Variants in ZFYVE28 observed in about 807,000 individuals in gnomAD.
ZFYVE28 encodes zinc finger FYVE-type containing 28.
Under a neutral mutation model 82.1 loss-of-function variants are expected in ZFYVE28, and 40 were observed. That is an observed-to-expected ratio of 0.49 (90% CI 0.38 to 0.63). The LOEUF (loss-of-function observed/expected upper bound fraction) is 0.63, where lower values mean the gene tolerates loss of function less well. Ranked by LOEUF, ZFYVE28 falls within the 30% of genes least tolerant of loss-of-function variation. The pLI is 0.00. For synonymous variants in ZFYVE28, 612 were observed against 546.1 expected (o/e 1.12, Z -1.68); for missense variants, 1,321 against 1,242.1 (o/e 1.06, Z -0.96).
intron 1 of ZFYVE28, among the ~76,000 whole-genome samples, chr4:2,406,040 T>A (rs1421139465): frequency 1.1e-5 from 1 of 87,656 alleles, no homozygotes; most frequent in African/African-American, 6.9e-5. Context: ...CAGAATGGAT[T>A]CTGTCTCAAA....
intron 2 of ZFYVE28, 74 bp downstream of exon 2, chr4:2,353,858 CT>C (rs1724837707): frequency 7.6e-7 from 1 of 1,321,104 alleles, no homozygotes. Flanking sequence ...GTGACAAAGC[CT>C]TGGTCTACTG....
chr4:2,413,559 G>A (rs947936241), intron 1 of ZFYVE28, among the ~76,000 whole-genome samples: 2 of 152,116 alleles, frequency 1.3e-5, no homozygotes, highest in African/African-American at 2.4e-5. Flanking sequence ...GAGCACCGCC[G>A]GGCTCAGCCT....
chr4:2,404,847 C>T (rs1280982746), intron 1 of ZFYVE28, among the ~76,000 whole-genome samples: 1 of 144,830 alleles, frequency 6.9e-6, no homozygotes, highest in African/African-American at 2.6e-5. Context: ...TTCACCCTCT[C>T]AGTCTCGCTC....
chr4:2,380,839 C>T (rs1350880315), intron 1 of ZFYVE28, among the ~76,000 whole-genome samples: 3 of 152,208 alleles, frequency 2.0e-5, no homozygotes, highest in Non-Finnish European at 4.4e-5. Context: ...CCTCCCCAGC[C>T]ATGTGGAACT....
At chr4:2,399,523 CT>C (rs1730944711) in intron 1 of ZFYVE28, among the ~76,000 whole-genome samples, 1 of 152,228 alleles carries the variant, frequency 6.6e-6, no homozygotes, top group Admixed American at 6.5e-5. Context: ...CCTCTGACAT[CT>C]GGTTTTCTGC....
chr4:2,293,752 C>CA (rs71644322), intron 8 of ZFYVE28, among the ~76,000 whole-genome samples: 44,195 of 83,092 alleles, frequency 0.53, 10,859 homozygotes, highest in Non-Finnish European at 0.61. Context: ...GACTCCATCT[C>CA]AAAAAAAAAA....
chr4:2,386,683 C>T (rs764343779), intron 1 of ZFYVE28, among the ~76,000 whole-genome samples: 1 of 152,214 alleles, frequency 6.6e-6, no homozygotes, highest in Non-Finnish European at 1.5e-5. Context: ...GACAAGGAGG[C>T]CCTCACCAGA....
At chr4:2,330,547 G>GGA in intron 6 of ZFYVE28, 1 of 1,172,230 alleles carries the variant, frequency 8.5e-7, no homozygotes, top group Non-Finnish European at 1.1e-6. Context: ...ACAGCATGGA[G>GGA]GAGGGGACAG....
At position 2,417,781 on chromosome 4, in the gene ZFYVE28, G is replaced by GAC. The variant is rs1306724790; in HGVS notation, c.39+503_39+504insGT. Among the ~76,000 whole-genome samples the GAC allele has an allele frequency of 6.6e-6, 1 of 152,090 alleles. No individual in the cohort carries two copies. The highest frequency in any genetic ancestry group is 1.5e-5 in the Non-Finnish European group (1 of 68,002). On this transcript the variant is annotated intron_variant, in intron 1 of 12. Coordinates refer to ENST00000290974, the MANE Select transcript of ZFYVE28 (RefSeq NM_020972.3). The surrounding 1 kb of genome is among the most constrained non-coding windows in gnomAD (Gnocchi z 4.8). ...GTGGGTTCTCTCAGAACCTGGGGAA[G>GAC]TGGGGAGAGGGTCTGTTCTGGAGTG...
At chr4:2,298,809 G>A (rs960423313) in intron 8 of ZFYVE28, among the ~76,000 whole-genome samples, 3 of 152,196 alleles carry the variant, frequency 2.0e-5, no homozygotes, top group African/African-American at 7.2e-5. Flanking sequence ...TGTCAGGACG[G>A]CCACAGCCTC....
chr4:2,319,053 C>G (rs1221667489), intron 7 of ZFYVE28: 1 of 152,736 alleles, frequency 6.5e-6, no homozygotes, highest in Non-Finnish European at 1.5e-5. Flanking sequence ...GCCGGTGCCC[C>G]CTTCCAGCCC....
At chr4:2,387,246 T>C (rs1729367164) in intron 1 of ZFYVE28, among the ~76,000 whole-genome samples, 1 of 152,202 alleles carries the variant, frequency 6.6e-6, no homozygotes, top group South Asian at 2.1e-4. Flanking sequence ...AGCCTAGGGC[T>C]GCGTGGCTCT....
Position 2,305,564 on chromosome 4 carries a change from G to A in ZFYVE28, c.804-28C>T, listed in dbSNP as rs762295226. 1.9e-6 allele frequency: 3 copies of A among 1,612,364 alleles called. No homozygotes were observed. The African/African-American group carries it at 4.0e-5, about 21-fold the overall frequency. On this transcript the variant is annotated intron_variant, in intron 7 of 12. Coordinates refer to ENST00000290974, the MANE Select transcript of ZFYVE28 (RefSeq NM_020972.3). ...ACGAATCAAGACAAAACCCAAGGGT[G>A]AGGGTCCCAAAAGCCACACCAGCCT... is the stretch of plus-strand genomic sequence containing the variant.
intron 7 of ZFYVE28, among the ~76,000 whole-genome samples, chr4:2,313,848 CAAA>C (rs397958081): frequency 2.5e-5 from 2 of 80,768 alleles, no homozygotes; most frequent in African/African-American, 4.2e-5. Context: ...GACTCTGTCT[CAAA>C]AAAAAAAAAA....
intron 8 of ZFYVE28, among the ~76,000 whole-genome samples, chr4:2,303,139 C>T (rs536340309): frequency 7.2e-5 from 11 of 152,226 alleles, no homozygotes; most frequent in Admixed American, 2.6e-4. Context: ...GCCCGCAGCA[C>T]AGGAAAGAGC....
intron 8 of ZFYVE28, among the ~76,000 whole-genome samples, chr4:2,277,978 G>A (rs898537446): frequency 6.6e-6 from 1 of 152,152 alleles, no homozygotes; most frequent in African/African-American, 2.4e-5. Context: ...GCATAGGACC[G>A]ACATACAGAC....
rs570614146 is a variant in ZFYVE28, at chr4:2,373,653, CA to C, written c.40-19581del. Among the ~76,000 whole-genome samples, 374 of 152,290 alleles carry C rather than the reference CA, an allele frequency of 2.5e-3. 3 individuals are homozygous for C. Among genetic ancestry groups the C allele is most frequent in the African/African-American group, 7.6e-3 (318 of 41,572 alleles). On this transcript the variant is annotated intron_variant, in intron 1 of 12. Coordinates refer to ENST00000290974, the MANE Select transcript of ZFYVE28 (RefSeq NM_020972.3). The stretch of plus-strand genomic sequence containing the variant: ...TTCTTAATTGTCTCAAACCTTCAAG[CA>C]GGGGCTCTAGAACCCATGCAGTGGC...
In ZFYVE28 at chr4:2,341,357, G is replaced by A. The variant is rs950650026; in HGVS notation, c.318+121C>T. 1.8e-5 allele frequency: 25 copies of A among 1,361,476 alleles called. No individual in the cohort carries two copies. The highest frequency in any genetic ancestry group is 6.2e-5 in the Admixed American group (3 of 48,458). 84.3% of individuals were successfully genotyped at this position (1,361,476 alleles called of 1,614,324 possible). ...CCACACCACGTAACCCAGAGTGGACGGAGCTCTTGGAGGAGACACCAGGTC... is the reference window on the plus strand; with the variant it reads ...CCACACCACGTAACCCAGAGTGGACAGAGCTCTTGGAGGAGACACCAGGTC... On this transcript the variant is annotated intron_variant, in intron 3 of 12. Transcript: ENST00000290974. This position sits in a 1 kb window ranked among gnomAD's most constrained non-coding sequence, Gnocchi z 4.5.
intron 1 of ZFYVE28, among the ~76,000 whole-genome samples, chr4:2,398,249 G>A (rs1272316970): frequency 5.9e-5 from 9 of 152,342 alleles, no homozygotes; most frequent in East Asian, 1.9e-4. Flanking sequence ...GCACCGACAC[G>A]GGAGGCCATT....
Sources: gnomAD v4.1 joint callset for allele counts (sites outside exome capture counted in the v4.1 genomes callset) on GRCh38, gnomAD v4.1.1 for gene constraint, Gnocchi (gnomAD v3.1) non-coding constraint, MANE v1.5 for transcripts, NCBI Gene and HGNC (gene_info 2026-07-23, HGNC 2026-07-21) for gene names.